Variants in SFMBT2 observed in about 807,000 individuals in gnomAD.
The protein encoded by SFMBT2 is scm-like with four MBT domains protein 2.
Under a neutral mutation model 110.1 loss-of-function variants are expected in SFMBT2, and 38 were observed. That is an observed-to-expected ratio of 0.35 (90% CI 0.27 to 0.45). The LOEUF (loss-of-function observed/expected upper bound fraction) is 0.45. Among genes scored for constraint, SFMBT2 ranks in the 20% least tolerant of loss-of-function variants. The pLI, the probability that SFMBT2 is intolerant of heterozygous loss-of-function variation, is 1.00. For synonymous variants in SFMBT2, 425 were observed against 425.4 expected (o/e 1.00, Z 0.01); for missense variants, 1,011 against 1,094.9 (o/e 0.92, Z 1.08).
rs76036331 is a variant in SFMBT2, at chr10:7,195,685, T to C, written c.1698+1863A>G. Among the ~76,000 whole-genome samples, 1,414 of 152,264 alleles carry C rather than the reference T, an allele frequency of 9.3e-3. 13 individuals are homozygous for C. The highest frequency in any genetic ancestry group is 0.032 in the African/African-American group (1,344 of 41,550). On this transcript the variant is annotated intron_variant, in intron 15 of 20. Coordinates refer to ENST00000397167, the MANE Select transcript of SFMBT2 (RefSeq NM_001387889.1). ...CCGCACCCCAGATGCCCCAGCCTTGTTCCTGCTCCTCTCCCTACCAGGGGC... is the reference window on the plus strand; with the variant it reads ...CCGCACCCCAGATGCCCCAGCCTTGCTCCTGCTCCTCTCCCTACCAGGGGC...
chr10:7,385,799 A>C (rs1006741758), intron 1 of SFMBT2, among the ~76,000 whole-genome samples: 4 of 152,082 alleles, frequency 2.6e-5, no homozygotes, highest in African/African-American at 7.2e-5. Context: ...GGAGATCAAG[A>C]CCATCCTGGC....
At chr10:7,263,841 G>A (rs192067353) in intron 7 of SFMBT2, among the ~76,000 whole-genome samples, 5 of 152,278 alleles carry the variant, frequency 3.3e-5, no homozygotes, top group Admixed American at 1.3e-4. Context: ...TTACCCCTTT[G>A]GCTGTACCAG....
intron 7 of SFMBT2, among the ~76,000 whole-genome samples, chr10:7,270,106 G>A (rs1564414466): frequency 6.6e-6 from 1 of 152,140 alleles, no homozygotes. Flanking sequence ...AAAGTTGGAT[G>A]GGATTCACAC....
intron 1 of SFMBT2, among the ~76,000 whole-genome samples, chr10:7,392,037 A>G (rs1443349882): frequency 6.6e-6 from 1 of 152,188 alleles, no homozygotes; most frequent in Non-Finnish European, 1.5e-5. Context: ...CAGAAATCCT[A>G]CATCTCTGAT....
Position 7,332,781 on chromosome 10 carries a change from G to A in SFMBT2, c.436+34868C>T, listed in dbSNP as rs77101355. Among the ~76,000 whole-genome samples the A allele has an allele frequency of 2.7e-3, 409 of 152,340 alleles. 3 individuals are homozygous for A. Among genetic ancestry groups the A allele is most frequent in the African/African-American group, 9.1e-3 (377 of 41,578 alleles). ...GTCACTATTCACAGCACAGCACTGG[G>A]TGCAGGCAGCACCTTGGAAGCCTTA... On this transcript the variant is annotated intron_variant, in intron 4 of 20. Coordinates refer to ENST00000397167, the MANE Select transcript of SFMBT2 (RefSeq NM_001387889.1).
At chr10:7,204,704 T>A in intron 12 of SFMBT2, 1 of 190,534 alleles carries the variant, frequency 5.2e-6, no homozygotes, top group Non-Finnish European at 9.7e-6. Flanking sequence ...TGAAACCCCA[T>A]CTCTACCAAA....
rs1265089909 is a variant in SFMBT2, at chr10:7,383,650, C to G, written c.-51-1701G>C. Among the ~76,000 whole-genome samples, 21 of 152,126 alleles carry G rather than the reference C, an allele frequency of 1.4e-4. 1 individual carries two copies. Among genetic ancestry groups the G allele is most frequent in the Admixed American group, 1.4e-3 (21 of 15,270 alleles). On this transcript the variant is annotated intron_variant, in intron 1 of 20. Transcript: ENST00000397167. The stretch of plus-strand genomic sequence containing the variant: ...GGCAAACAGCAATCTAGGCATTTTG[C>G]TACTACAAAGATAAGTTCTTGACTA...
chr10:7,358,037 C>T (rs1844576120), intron 4 of SFMBT2, among the ~76,000 whole-genome samples: 1 of 152,000 alleles, frequency 6.6e-6, no homozygotes, highest in South Asian at 2.1e-4. Flanking sequence ...TCTGCATGGC[C>T]CAGTGACATC....
chr10:7,376,854 C>CAAAAA (rs112996489), intron 2 of SFMBT2, among the ~76,000 whole-genome samples: 3 of 123,590 alleles, frequency 2.4e-5, no homozygotes, highest in Admixed American at 8.5e-5. Flanking sequence ...TGGACAGTGG[C>CAAAAA]AAAAAAAAAA....
At chr10:7,220,628 C>G in intron 10 of SFMBT2, 91 bp from the exon 11 acceptor site, 1 of 1,321,518 alleles carries the variant, frequency 7.6e-7, no homozygotes, top group Non-Finnish European at 1.1e-6. Flanking sequence ...TGCACGCACA[C>G]GCATCTTACA....
At chr10:7,227,809 C>CA (rs1318482571) in intron 10 of SFMBT2, 46 bp downstream of exon 10, 1 of 1,548,426 alleles carries the variant, frequency 6.5e-7, no homozygotes, top group East Asian at 2.3e-5. Flanking sequence ...TTACGGTAGA[C>CA]AAAATCTATG....
intron 9 of SFMBT2, among the ~76,000 whole-genome samples, chr10:7,235,083 T>A (rs1840215710): frequency 6.6e-6 from 1 of 152,204 alleles, no homozygotes. Context: ...GGGGTCCAGC[T>A]TTCCAATTCC....
chr10:7,376,693 T>C lies in SFMBT2; in HGVS notation c.100+5106A>G, dbSNP rs551928585. On this transcript the variant is annotated intron_variant, in intron 2 of 20. Transcript: ENST00000397167. ...CAGCCTGGGTGACAGAGCAAGACTCTGTCTCAAAAAAAAAAAAAAAAAAGG... is the reference window on the plus strand; with the variant it reads ...CAGCCTGGGTGACAGAGCAAGACTCCGTCTCAAAAAAAAAAAAAAAAAAGG... 9.0e-3 allele frequency among the ~76,000 whole-genome samples: 406 copies of C among 45,020 alleles called. 2 individuals are homozygous for C. Among genetic ancestry groups the C allele is most frequent in the African/African-American group, 0.034 (385 of 11,286 alleles). The allele number at this position is 45,020 out of a possible 152,430, so 29.5% of individuals were successfully genotyped here.
intron 15 of SFMBT2, among the ~76,000 whole-genome samples, chr10:7,195,676 C>G (rs1838745520): frequency 6.6e-6 from 1 of 152,138 alleles, no homozygotes; most frequent in Non-Finnish European, 1.5e-5. Flanking sequence ...CCCAGATGCC[C>G]CAGCCTTGTT....
chr10:7,350,922 A>G (rs1283986162), intron 4 of SFMBT2, among the ~76,000 whole-genome samples: 2 of 152,132 alleles, frequency 1.3e-5, no homozygotes, highest in Non-Finnish European at 2.9e-5. Context: ...GTAGCCACAC[A>G]CCCTCTGGAT....
At chr10:7,195,508 C>T (rs930806148) in intron 15 of SFMBT2, among the ~76,000 whole-genome samples, 1 of 152,212 alleles carries the variant, frequency 6.6e-6, no homozygotes, top group Non-Finnish European at 1.5e-5. Flanking sequence ...CTCCATTCTG[C>T]TGCTAAATGA....
chr10:7,216,450 A>G (rs1346181025), intron 11 of SFMBT2, among the ~76,000 whole-genome samples: 1 of 152,124 alleles, frequency 6.6e-6, no homozygotes, highest in African/African-American at 2.4e-5. Flanking sequence ...CGTGATTTTC[A>G]GCTTCCGCCA....
chr10:7,343,135 G>A (rs1843984382), intron 4 of SFMBT2, among the ~76,000 whole-genome samples: 1 of 151,814 alleles, frequency 6.6e-6, no homozygotes, highest in Non-Finnish European at 1.5e-5. Context: ...AGAGCATGCA[G>A]CATCTGGTTT....
At chr10:7,346,955 G>A (rs1023011961) in intron 4 of SFMBT2, among the ~76,000 whole-genome samples, 8 of 152,034 alleles carry the variant, frequency 5.3e-5, no homozygotes, top group East Asian at 1.9e-4. Context: ...GTGCCACTGC[G>A]CTCCAGCCTG....
Sources: gnomAD v4.1 joint callset for allele counts (sites outside exome capture counted in the v4.1 genomes callset) on GRCh38, gnomAD v4.1.1 for gene constraint, MANE v1.5 for transcripts, NCBI Gene and HGNC (gene_info 2026-07-23, HGNC 2026-07-21) for gene names.